The following KLHL29 variants were observed in gnomAD, a reference collection of about 807,000 sequenced individuals.
KLHL29 encodes kelch-like protein 29.
KLHL29 carries 21 observed loss-of-function variants against 80.4 expected under a neutral mutation model. The observed-to-expected ratio is 0.26, with a 90% CI of 0.19 to 0.38. The LOEUF is 0.38. Among genes scored for constraint, KLHL29 ranks in the 10% least tolerant of loss-of-function variants. KLHL29 has a pLI of 1.00. For synonymous variants in KLHL29, 511 were observed against 526.8 expected (o/e 0.97, Z 0.41); for missense variants, 867 against 1,223.9 (o/e 0.71, Z 4.35).
intron 2 of KLHL29, among the ~76,000 whole-genome samples, chr2:23,547,080 C>G (rs985528078): frequency 6.6e-6 from 1 of 152,194 alleles, no homozygotes; most frequent in Non-Finnish European, 1.5e-5. Flanking sequence ...GAGAACCCAC[C>G]ACAGTGCCAC....
rs1031494336 is a variant in KLHL29 at position 23,596,898 on chromosome 2, G to C, written c.285+34417G>C. 1.3e-5 allele frequency among the ~76,000 whole-genome samples: 2 copies of C among 152,112 alleles called. No individual in the cohort carries two copies. Among genetic ancestry groups the C allele is most frequent in the African/African-American group, 4.8e-5 (2 of 41,396 alleles). Reference sequence around the variant, plus strand: ...TCATGTAAGTGCTACTTCTGGAGTGGTCCCAGCCAGATAGGTGCCTGGGGA... The same window carrying C: ...TCATGTAAGTGCTACTTCTGGAGTGCTCCCAGCCAGATAGGTGCCTGGGGA... On this transcript the variant is annotated intron_variant, in intron 3 of 13. Transcript: ENST00000486442. This position sits in a 1 kb window ranked among gnomAD's most constrained non-coding sequence, Gnocchi z 4.4.
chr2:23,598,070 G>A lies in KLHL29; in HGVS notation c.285+35589G>A, dbSNP rs956122491. 5.9e-5 allele frequency among the ~76,000 whole-genome samples: 9 copies of A among 152,192 alleles called. No individual in the cohort carries two copies. In the South Asian group the frequency reaches 8.3e-4, roughly 14 times the overall value. ...AGGCTGGGCCGCTCTGAAGTTCAAGGGTTTGGAAACGGTGTCCTGGGTACA... is the reference window on the plus strand; with the variant it reads ...AGGCTGGGCCGCTCTGAAGTTCAAGAGTTTGGAAACGGTGTCCTGGGTACA... On this transcript the variant is annotated intron_variant, in intron 3 of 13. Transcript: ENST00000486442.
chr2:23,603,177 A>G (rs1668617533), intron 3 of KLHL29, among the ~76,000 whole-genome samples: 1 of 152,182 alleles, frequency 6.6e-6, no homozygotes, highest in Non-Finnish European at 1.5e-5. Flanking sequence ...GTGAAGTTGG[A>G]CAGCCTTCCC....
chr2:23,530,946 C>T (rs1558375509), intron 2 of KLHL29, among the ~76,000 whole-genome samples: 1 of 152,228 alleles, frequency 6.6e-6, no homozygotes, highest in African/African-American at 2.4e-5. Context: ...AGGATGCAGA[C>T]ATGGGCAGAG....
Position 23,584,937 on chromosome 2 carries a change from A to G in KLHL29, c.285+22456A>G, listed in dbSNP as rs191526750. Among the ~76,000 whole-genome samples the G allele has an allele frequency of 3.2e-4, 49 of 152,274 alleles. No individual in the cohort carries two copies. In the East Asian group the frequency reaches 4.6e-3, roughly 14 times the overall value. On this transcript the variant is annotated intron_variant, in intron 3 of 13. Transcript: ENST00000486442. Reference sequence around the variant, plus strand: ...TTTTTAGTGGAGAAGGGGTTTCGCCATGTTGGCTAGGCTGGTCTCGAGCTC... The same window carrying G: ...TTTTTAGTGGAGAAGGGGTTTCGCCGTGTTGGCTAGGCTGGTCTCGAGCTC...
chr2:23,539,449 T>C (rs1666772805), intron 2 of KLHL29, among the ~76,000 whole-genome samples: 1 of 145,650 alleles, frequency 6.9e-6, no homozygotes, highest in African/African-American at 2.6e-5. Context: ...TTTTTTTTTT[T>C]TTTTTTTTTG....
chr2:23,388,501 T>C lies in KLHL29; in HGVS notation c.-154+2721T>C, dbSNP rs1666238884. On this transcript the variant is annotated intron_variant, in intron 1 of 13. Coordinates refer to ENST00000486442, the MANE Select transcript of KLHL29 (RefSeq NM_052920.2). ...GTGTCACCGTTGTTATCAACACCTGTCAGTTTAAGTGAGGCACATCATTAG... is the reference window on the plus strand; with the variant it reads ...GTGTCACCGTTGTTATCAACACCTGCCAGTTTAAGTGAGGCACATCATTAG... Among the ~76,000 whole-genome samples the C allele has an allele frequency of 2.0e-5, 3 of 152,308 alleles. 1 individual carries two copies. The Middle Eastern group carries it at 0.01, about 518-fold the overall frequency.
chr2:23,428,579 A>C (rs1457008512), intron 1 of KLHL29, among the ~76,000 whole-genome samples: 1 of 152,146 alleles, frequency 6.6e-6, no homozygotes. Context: ...TGGAGGCAAG[A>C]AAGGTACCTT....
At chr2:23,600,808 C>T (rs953303588) in intron 3 of KLHL29, among the ~76,000 whole-genome samples, 1 of 152,174 alleles carries the variant, frequency 6.6e-6, no homozygotes, top group African/African-American at 2.4e-5. Flanking sequence ...CACCCTTCGC[C>T]TCTGATCAGG....
At chr2:23,467,324 C>T (rs1664379999) in intron 1 of KLHL29, among the ~76,000 whole-genome samples, 1 of 152,252 alleles carries the variant, frequency 6.6e-6, no homozygotes, top group African/African-American at 2.4e-5. Context: ...GAATTAGCTT[C>T]TCATTCTATT....
At chr2:23,576,326 G>A (rs1054017246) in intron 3 of KLHL29, among the ~76,000 whole-genome samples, 48 of 141,648 alleles carry the variant, frequency 3.4e-4, no homozygotes, top group African/African-American at 1.1e-3. Flanking sequence ...AAAAAAAAAC[G>A]AAATATGCTG....
chr2:23,581,726 G>T (rs1314676336), intron 3 of KLHL29, among the ~76,000 whole-genome samples: 3 of 151,106 alleles, frequency 2.0e-5, no homozygotes, highest in Non-Finnish European at 2.9e-5. Flanking sequence ...TACTTGGGAG[G>T]CTGAGGCAGG....
At chr2:23,391,594 C>T (rs1238533225) in intron 1 of KLHL29, among the ~76,000 whole-genome samples, 1 of 152,080 alleles carries the variant, frequency 6.6e-6, no homozygotes, top group Non-Finnish European at 1.5e-5. Flanking sequence ...TGCCACTATA[C>T]CCGGCTGATT....
At chr2:23,480,681 C>G (rs1385751248) in intron 2 of KLHL29, among the ~76,000 whole-genome samples, 2 of 152,106 alleles carry the variant, frequency 1.3e-5, no homozygotes, top group Non-Finnish European at 2.9e-5. Context: ...AAACAATATT[C>G]CTGGATGATG....
chr2:23,536,394 G>A (rs1666661391), intron 2 of KLHL29, among the ~76,000 whole-genome samples: 1 of 152,216 alleles, frequency 6.6e-6, no homozygotes, highest in Non-Finnish European at 1.5e-5. Flanking sequence ...TTGGCTCCTG[G>A]CCTGTAATTC....
intron 3 of KLHL29, among the ~76,000 whole-genome samples, chr2:23,564,431 G>C (rs561373551): frequency 6.6e-6 from 1 of 152,298 alleles, no homozygotes; most frequent in Non-Finnish European, 1.5e-5. Flanking sequence ...CCCGCTCCTT[G>C]GCATGTCACA....
chr2:23,597,343 G>GTGTGTGTATATGTA (rs1558402719), intron 3 of KLHL29, among the ~76,000 whole-genome samples: 1 of 134,414 alleles, frequency 7.4e-6, no homozygotes, highest in African/African-American at 2.9e-5. Flanking sequence ...GTGTGTGTGT[G>GTGTGTGTATATGTA]TGTATGTATA....
chr2:23,562,676 CT>C lies in KLHL29; in HGVS notation c.285+198del, dbSNP rs1156742221. Among the ~76,000 whole-genome samples the C allele has an allele frequency of 6.6e-6, 1 of 152,176 alleles. No individual in the cohort carries two copies. The highest frequency in any genetic ancestry group is 1.5e-5 in the Non-Finnish European group (1 of 68,040). ...ATGCGGGTTTTATTATCCATGAAGT[CT>C]TTCTCTGTGACTAACTTGTAGGAAG... On this transcript the variant is annotated intron_variant, in intron 3 of 13. Transcript: ENST00000486442. This position sits in a 1 kb window ranked among gnomAD's most constrained non-coding sequence, Gnocchi z 4.5.
intron 3 of KLHL29, among the ~76,000 whole-genome samples, chr2:23,604,248 C>T (rs1237168789): frequency 2.7e-5 from 4 of 146,470 alleles, no homozygotes; most frequent in East Asian, 4.3e-4. Context: ...GGACTACAGG[C>T]GCCCGCCACC....
Sources: gnomAD v4.1 joint callset for allele counts (sites outside exome capture counted in the v4.1 genomes callset) on GRCh38, gnomAD v4.1.1 for gene constraint, Gnocchi (gnomAD v3.1) non-coding constraint, MANE v1.5 for transcripts, NCBI Gene and HGNC (gene_info 2026-07-23, HGNC 2026-07-21) for gene names.